HS2ST1: variants seen among roughly 807,000 people sequenced by gnomAD.
HS2ST1 encodes heparan sulfate 2-O-sulfotransferase 1, also known as 2-O-sulfotransferase.
Under a neutral mutation model 42.9 loss-of-function variants are expected in HS2ST1, and 18 were observed. That is an observed-to-expected ratio of 0.42 (90% CI 0.29 to 0.62). The LOEUF (loss-of-function observed/expected upper bound fraction) is 0.62. Among genes scored for constraint, HS2ST1 ranks in the 20% least tolerant of loss-of-function variants. The pLI is 0.21. For synonymous variants in HS2ST1, 146 were observed against 152.9 expected (o/e 0.95, Z 0.33); for missense variants, 334 against 433.8 (o/e 0.77, Z 2.04).
intron 1 of HS2ST1, among the ~76,000 whole-genome samples, chr1:87,058,075 G>C (rs573264181): frequency 1.1e-4 from 16 of 151,634 alleles, no homozygotes; most frequent in Admixed American, 1.3e-4. Context: ...AAACACATCT[G>C]TACTGTAGAG....
intron 1 of HS2ST1, among the ~76,000 whole-genome samples, chr1:87,066,112 A>G (rs1012934766): frequency 6.6e-6 from 1 of 151,462 alleles, no homozygotes; most frequent in Non-Finnish European, 1.5e-5. Flanking sequence ...GTTTAATGTA[A>G]TGTTTTATAC....
rs889431392 is a variant in HS2ST1 at position 87,039,805 on chromosome 1, G to A, written c.125-33129G>A. Among the ~76,000 whole-genome samples, 21 of 152,052 alleles carry A rather than the reference G, an allele frequency of 1.4e-4. 1 individual carries two copies. The highest frequency in any genetic ancestry group is 3.9e-4 in the Admixed American group (6 of 15,256). ...AACAGGTAGGTGGAAGATACCATACGTAAAGTTTCTAGACTAGGTGCCAAA... is the reference window on the plus strand; with the variant it reads ...AACAGGTAGGTGGAAGATACCATACATAAAGTTTCTAGACTAGGTGCCAAA... On this transcript the variant is annotated intron_variant, in intron 1 of 6. Transcript: ENST00000370550.
intron 1 of HS2ST1, among the ~76,000 whole-genome samples, chr1:87,057,092 T>C (rs1276185792): frequency 1.3e-5 from 2 of 152,228 alleles, no homozygotes; most frequent in Admixed American, 6.5e-5. Context: ...CCAGACACTT[T>C]ATAAGATTTG....
chr1:86,935,461 T>TG (rs1205951795), intron 1 of HS2ST1, among the ~76,000 whole-genome samples: 3 of 137,070 alleles, frequency 2.2e-5, no homozygotes, highest in Admixed American at 7.3e-5. Flanking sequence ...TCTCCTTTTT[T>TG]TTTTTTTTTT....
intron 1 of HS2ST1, among the ~76,000 whole-genome samples, chr1:87,058,039 G>C (rs1046670517): frequency 6.6e-6 from 1 of 151,468 alleles, no homozygotes; most frequent in Non-Finnish European, 1.5e-5. Flanking sequence ...TTTTAGCCTC[G>C]GGGTGAGTGG....
At chr1:87,000,738 T>C (rs1649256935) in intron 1 of HS2ST1, among the ~76,000 whole-genome samples, 1 of 152,222 alleles carries the variant, frequency 6.6e-6, no homozygotes, top group Non-Finnish European at 1.5e-5. Flanking sequence ...ATGACAGTCA[T>C]TTACCTTTTA....
At chr1:87,049,624 T>C (rs4655922) in intron 1 of HS2ST1, among the ~76,000 whole-genome samples, 141,759 of 152,110 alleles carry the variant, frequency 0.93, 66,119 homozygotes, top group East Asian at 0.99. Flanking sequence ...AGTCAGAGAA[T>C]ATATTTTGTA....
chr1:87,102,643 C>T (rs1180504439), intron 5 of HS2ST1, among the ~76,000 whole-genome samples: 1 of 152,170 alleles, frequency 6.6e-6, no homozygotes, highest in Non-Finnish European at 1.5e-5. Context: ...TAAAGACTTG[C>T]TCTATTGGGC....
chr1:86,918,446 T>G (rs1198714332), intron 1 of HS2ST1, among the ~76,000 whole-genome samples: 1 of 151,976 alleles, frequency 6.6e-6, no homozygotes, highest in Non-Finnish European at 1.5e-5. Flanking sequence ...GTAACGGACA[T>G]TCAGTTTGTC....
chr1:87,094,873 T>TTGA (rs1416139889), intron 4 of HS2ST1, among the ~76,000 whole-genome samples: 1 of 152,144 alleles, frequency 6.6e-6, no homozygotes, highest in Non-Finnish European at 1.5e-5. Context: ...AGATGTAGTG[T>TTGA]TGATAACATC....
intron 1 of HS2ST1, among the ~76,000 whole-genome samples, chr1:87,070,862 G>A (rs1390639635): frequency 6.6e-6 from 1 of 151,746 alleles, no homozygotes; most frequent in Non-Finnish European, 1.5e-5. Flanking sequence ...TCTATCCTAG[G>A]GTCTCTGTCT....
intron 1 of HS2ST1, among the ~76,000 whole-genome samples, chr1:86,960,255 A>C (rs1647799321): frequency 6.7e-6 from 1 of 150,308 alleles, no homozygotes; most frequent in Non-Finnish European, 1.5e-5. Context: ...GAATCTTGAC[A>C]CAGACTTTAT....
chr1:87,034,057 A>C (rs1406343116), intron 1 of HS2ST1, among the ~76,000 whole-genome samples: 1 of 152,194 alleles, frequency 6.6e-6, no homozygotes, highest in Non-Finnish European at 1.5e-5. Flanking sequence ...GAGGATTATT[A>C]ATTTTTAAAT....
At chr1:87,101,741 T>G (rs960706353) in intron 5 of HS2ST1, among the ~76,000 whole-genome samples, 1 of 152,198 alleles carries the variant, frequency 6.6e-6, no homozygotes, top group African/African-American at 2.4e-5. Flanking sequence ...CGCTGCCCAT[T>G]ACCCAGTTCC....
At chr1:87,048,605 GTCCCAGTTTGCTGAGATTTTTATCATGC>G in intron 1 of HS2ST1, among the ~76,000 whole-genome samples, 1 of 119,640 alleles carries the variant, frequency 8.4e-6, no homozygotes, top group African/African-American at 2.7e-5. Flanking sequence ...CATGCTTCTA[GTCCCAGTTTGCTGAGATTTTTATCATGC>G]TTCTAGTCCC....
chr1:87,032,659 A>C (rs1020651282), intron 1 of HS2ST1, among the ~76,000 whole-genome samples: 1 of 152,176 alleles, frequency 6.6e-6, no homozygotes, highest in African/African-American at 2.4e-5. Context: ...TTTACAATGT[A>C]ATCAGGATTC....
chr1:87,072,676 C>T (rs1651440542), intron 1 of HS2ST1, among the ~76,000 whole-genome samples: 1 of 151,992 alleles, frequency 6.6e-6, no homozygotes, highest in South Asian at 2.1e-4. Flanking sequence ...AGCTTTGGTC[C>T]TCAAAACATT....
chr1:86,970,035 G>GAATC (rs1557498607), intron 1 of HS2ST1, among the ~76,000 whole-genome samples: 1 of 150,966 alleles, frequency 6.6e-6, no homozygotes, highest in Non-Finnish European at 1.5e-5. Context: ...TGAGGCAGGA[G>GAATC]AATCACTTGA....
At chr1:86,945,624 CTT>C (rs1647308944) in intron 1 of HS2ST1, among the ~76,000 whole-genome samples, 1 of 152,188 alleles carries the variant, frequency 6.6e-6, no homozygotes, top group African/African-American at 2.4e-5. Flanking sequence ...TTGCGACAAT[CTT>C]GAACTTGTAC....
Sources: allele counts gnomAD v4.1 joint callset (sites outside exome capture counted in the v4.1 genomes callset), GRCh38; gene constraint gnomAD v4.1.1; transcripts MANE v1.5; gene names NCBI Gene and HGNC (gene_info 2026-07-23, HGNC 2026-07-21).